EMC1: variants seen among roughly 807,000 people sequenced by gnomAD.
EMC1 encodes KIAA0090.
EMC1 carries 103 observed loss-of-function variants against 128.8 expected under a neutral mutation model. The observed-to-expected ratio is 0.80, with a 90% CI of 0.68 to 0.94. The LOEUF is 0.94. Ranked by LOEUF, EMC1 falls within the 40% of genes least tolerant of loss-of-function variation. The pLI, the probability that EMC1 is intolerant of heterozygous loss-of-function variation, is 0.00. For missense variants in EMC1, 1,083 were observed against 1,250.6 expected (o/e 0.87, Z 2.02); for synonymous variants, 442 against 490.4 (o/e 0.90, Z 1.30).
rs768867636 is a variant in EMC1 at position 19,242,421 on chromosome 1, C to T, written c.433G>A (p.Val145Ile). 1.9e-5 allele frequency: 31 copies of T among 1,614,200 alleles called. No homozygotes were observed. Among genetic ancestry groups the T allele is most frequent in the Non-Finnish European group, 2.5e-5 (30 of 1,180,018 alleles). ...AGGGCAAGTGTAGTCTTCTTCAGGA[C>T]TGCGATGTACCTTACAGACTCCTGC... The part of the protein sequence containing the change: ...GLQESVRYIA[V>I]LKKTTLALHH... The change falls in exon 5 of 23, where the codon GTC becomes ATC. Residue 145 changes from valine to isoleucine, a missense_variant. Around this residue, in one of 3 missense-constraint regions of EMC1, gnomAD observed 544 missense variants for 572.4 expected, o/e 0.95. Transcript: ENST00000477853.
rs1158356981 is a variant in EMC1, at chr1:19,244,990, C to T, written c.136G>A (p.Glu46Lys). The T allele has an allele frequency of 1.2e-6, 2 of 1,613,908 alleles. No individual in the cohort carries two copies. The highest frequency in any genetic ancestry group is 4.5e-5 in the East Asian group (2 of 44,872). The change falls in exon 2 of 23, where the codon GAA (glutamate) becomes AAA (lysine). Residue 46 changes from glutamate to lysine, a missense_variant. This residue lies in a region of EMC1 where 544 missense variants were observed against 572.4 expected (regional missense o/e 0.95). Transcript: ENST00000477853. The part of the protein sequence containing the change: ...YVGKVKFASL[E>K]FSPGSKKLVV... ...AACTTCTTGGATCCAGGGGAAAATT[C>T]CAAGGAGGCAAACTTGACCTTCCCA...
At chr1:19,240,874 G>A in intron 6 of EMC1, 142 bp downstream of exon 6, 1 of 931,094 alleles carries the variant, frequency 1.1e-6, no homozygotes, top group East Asian at 2.4e-5. Context: ...TAATGGGAAG[G>A]CAGCTGGCAA....
chr1:19,244,604 T>C, intron 2 of EMC1: 1 of 289,192 alleles, frequency 3.5e-6, no homozygotes. Flanking sequence ...GGGGCCTCAC[T>C]GTGATCCCCA....
chr1:19,223,763 T>C (rs1235510927), intron 18 of EMC1, among the ~76,000 whole-genome samples, 194 bp from the exon 19 acceptor site: 2 of 152,226 alleles, frequency 1.3e-5, no homozygotes, highest in East Asian at 3.8e-4. Context: ...CCATGCCAGG[T>C]ACCTTGTATT....
chr1:19,235,473 C>T (rs552007484), intron 12 of EMC1, among the ~76,000 whole-genome samples: 113 of 152,266 alleles, frequency 7.4e-4, no homozygotes, highest in African/African-American at 2.4e-3. Flanking sequence ...GAGGCCAAGG[C>T]GGGCAGATCA....
intron 1 of EMC1, 23 bp downstream of exon 1, chr1:19,251,392 G>A (rs1558118795): frequency 1.9e-6 from 3 of 1,606,234 alleles, no homozygotes; most frequent in Non-Finnish European, 1.7e-6. Context: ...CTTATCTCTC[G>A]AATATGTTCC....
At position 19,219,454 on chromosome 1, in the gene EMC1, T is replaced by G; in HGVS notation, c.2831A>C (p.Gln944Pro). Residue 944 changes from glutamine (Q) to proline (P), a missense_variant, in exon 23 of 23, where the codon CAA becomes CCA. Gln to Pro is a moderately conservative substitution (Grantham distance 76). Around this residue, in one of 3 missense-constraint regions of EMC1, gnomAD observed 527 missense variants for 644.1 expected, o/e 0.82. Transcript: ENST00000477853. ...CTGCTTGGATGGGTAGACTCGAGTTTGGTAAATGTCCAAACCATAGGCCAC... is the reference window on the plus strand; with the variant it reads ...CTGCTTGGATGGGTAGACTCGAGTTGGGTAAATGTCCAAACCATAGGCCAC... ...LVVAYGLDIY[Q>P]TRVYPSKQFD... 2 of 1,613,940 alleles carry G rather than the reference T, an allele frequency of 1.2e-6. No individual in the cohort carries two copies. Among genetic ancestry groups the G allele is most frequent in the Non-Finnish European group, 1.7e-6 (2 of 1,180,016 alleles).
intron 12 of EMC1, among the ~76,000 whole-genome samples, 196 bp downstream of exon 12, chr1:19,236,946 C>A (rs1252116827): frequency 8.7e-6 from 1 of 115,182 alleles, no homozygotes; most frequent in Non-Finnish European, 1.6e-5. Flanking sequence ...CCAGCCTGGG[C>A]AAGAGAGCAA....
chr1:19,249,317 C>A (rs1172311517), intron 1 of EMC1, among the ~76,000 whole-genome samples: 1 of 152,190 alleles, frequency 6.6e-6, no homozygotes, highest in Non-Finnish European at 1.5e-5. Context: ...AAGATACATT[C>A]ATGTTAAGTG....
At chr1:19,219,741 A>G in intron 21 of EMC1, 43 bp from the exon 22 acceptor site, 1 of 1,607,232 alleles carries the variant, frequency 6.2e-7, no homozygotes. Flanking sequence ...GCACTGCTGT[A>G]AAGGGATCTC....
intron 21 of EMC1, 165 bp downstream of exon 21, chr1:19,220,599 G>A: frequency 2.0e-6 from 1 of 506,152 alleles, no homozygotes; most frequent in Non-Finnish European, 3.6e-6. Flanking sequence ...TTTCCCAGCA[G>A]ACTGTAAGCT....
At chr1:19,221,035 G>C (rs890038514) in intron 20 of EMC1, 187 bp from the exon 21 acceptor site, 156 of 438,654 alleles carry the variant, frequency 3.6e-4, no homozygotes, top group Non-Finnish European at 1.9e-4. Flanking sequence ...TCTCACTTTT[G>C]AAGACACTGG....
intron 16 of EMC1, 31 bp downstream of exon 16, chr1:19,231,230 G>C: frequency 6.4e-7 from 1 of 1,571,202 alleles, no homozygotes; most frequent in Non-Finnish European, 8.6e-7. Flanking sequence ...GACTCCGCTA[G>C]CATGTTCTCC....
chr1:19,247,189 T>C (rs950367194), intron 1 of EMC1, among the ~76,000 whole-genome samples: 2 of 152,182 alleles, frequency 1.3e-5, no homozygotes, highest in African/African-American at 2.4e-5. Context: ...AGAAAACTAA[T>C]ACAACCACCA....
chr1:19,223,620 C>T, intron 18 of EMC1, 51 bp from the exon 19 acceptor site: 2 of 1,571,186 alleles, frequency 1.3e-6, no homozygotes, highest in Admixed American at 1.7e-5. Context: ...TCATCACACA[C>T]TCCATTCCTG....
At chr1:19,232,498 C>CA (rs1362566250) in intron 15 of EMC1, 126 bp downstream of exon 15, 7 of 1,085,420 alleles carry the variant, frequency 6.4e-6, no homozygotes, top group South Asian at 4.4e-5. Flanking sequence ...CTAGAAGAAA[C>CA]AGAGTTCTAA....
chr1:19,245,036 A>G lies in EMC1; in HGVS notation c.96-6T>C, dbSNP rs535495682. 44 of 1,612,596 alleles carry G rather than the reference A, an allele frequency of 2.7e-5. 1 individual carries two copies. In the South Asian group the frequency reaches 4.1e-4, roughly 15 times the overall value. On this transcript the variant is annotated splice_polypyrimidine_tract_variant and splice_region_variant and intron_variant, in intron 1 of 22. Coordinates refer to ENST00000477853, the MANE Select transcript of EMC1 (RefSeq NM_015047.3). ...TCCCAACATATTGCTGTCTCCTGAG[A>G]AAAAAAGAGTACAGGGGACCATAAG... is the stretch of plus-strand genomic sequence containing the variant.
At position 19,227,361 on chromosome 1, in the gene EMC1, G is replaced by A. The variant is rs749449853; in HGVS notation, c.2154C>T (p.His718=). The change falls in exon 18 of 23, where the codon CAC becomes CAT. Residue 718 remains histidine, a synonymous_variant. Coordinates refer to ENST00000477853, the MANE Select transcript of EMC1 (RefSeq NM_015047.3). ...CCATCACACGGCCCTGGGAATGAAC[G>A]TGCTCACTGCTGCGTTTCCCCTTCA... ...VKVKGKRSSE[H]VHSQGRVMGD... is the part of the protein sequence containing the mutation. The A allele has an allele frequency of 1.2e-5, 19 of 1,614,034 alleles. No homozygotes were observed. Among genetic ancestry groups the A allele is most frequent in the East Asian group, 2.2e-5 (1 of 44,892 alleles).
chr1:19,244,633 G>A (rs2093623429), intron 2 of EMC1: 2 of 320,028 alleles, frequency 6.2e-6, no homozygotes, highest in Non-Finnish European at 1.2e-5. Context: ...TCGAACTCCT[G>A]AGCTCAAGTG....
Sources: gnomAD v4.1 joint callset for allele counts (sites outside exome capture counted in the v4.1 genomes callset) on GRCh38, gnomAD v4.1.1 for gene constraint, gnomAD v4.1.1 regional missense constraint, MANE v1.5 for transcripts, NCBI Gene and HGNC (gene_info 2026-07-23, HGNC 2026-07-21) for gene names.